Variants in ADGRL3 observed in about 807,000 individuals in gnomAD.
ADGRL3 encodes the protein calcium-independent alpha-latrotoxin receptor 3.
A neutral mutation model predicts 153.5 loss-of-function variants in ADGRL3; 62 were observed. That is an observed-to-expected ratio of 0.40 (90% CI 0.33 to 0.50). The LOEUF (loss-of-function observed/expected upper bound fraction) is 0.50, where lower values mean the gene tolerates loss of function less well. ADGRL3 is among the 20% of genes least tolerant of loss of function. The pLI, the probability that ADGRL3 is intolerant of heterozygous loss-of-function variation, is 0.47. For missense variants in ADGRL3, 1,641 were observed against 1,859.4 expected (o/e 0.88, Z 2.16); for synonymous variants, 710 against 672.5 (o/e 1.06, Z -0.86).
At chr4:61,520,044 TC>T (rs1164249022) in intron 4 of ADGRL3, among the ~76,000 whole-genome samples, 2 of 152,006 alleles carry the variant, frequency 1.3e-5, no homozygotes, top group East Asian at 1.9e-4. Flanking sequence ...CTTTGTTTTT[TC>T]CCCCCTTTGA....
chr4:61,223,107 T>A (rs1746417582), intron 1 of ADGRL3, among the ~76,000 whole-genome samples: 1 of 151,302 alleles, frequency 6.6e-6, no homozygotes, highest in African/African-American at 2.4e-5. Context: ...GACTGTCAGA[T>A]TTTTTTTTGA....
At chr4:61,929,482 G>C (rs753448261) in intron 13 of ADGRL3, among the ~76,000 whole-genome samples, 2 of 152,288 alleles carry the variant, frequency 1.3e-5, no homozygotes, top group Middle Eastern at 3.4e-3. Flanking sequence ...ATCATTTCTA[G>C]TTATTCTTTG....
At chr4:61,834,525 G>T (rs1321393197) in intron 9 of ADGRL3, among the ~76,000 whole-genome samples, 1 of 152,120 alleles carries the variant, frequency 6.6e-6, no homozygotes, top group Non-Finnish European at 1.5e-5. Context: ...GATCCCTGAG[G>T]AATCGAAAGG....
chr4:61,874,276 T>C (rs1213424793), intron 9 of ADGRL3, among the ~76,000 whole-genome samples: 8 of 152,134 alleles, frequency 5.3e-5, no homozygotes, highest in Non-Finnish European at 1.0e-4. Context: ...AGGGCTTCAG[T>C]TTCTTGCTGG....
intron 1 of ADGRL3, among the ~76,000 whole-genome samples, chr4:61,342,140 G>A (rs111722232): frequency 0.012 from 1,774 of 151,934 alleles, 29 homozygotes; most frequent in African/African-American, 0.04. Context: ...ACATTTAGCC[G>A]GCATTTCAAA....
intron 1 of ADGRL3, among the ~76,000 whole-genome samples, chr4:61,345,094 G>A (rs1188348856): frequency 2.6e-5 from 4 of 151,572 alleles, no homozygotes; most frequent in Non-Finnish European, 4.4e-5. Flanking sequence ...CATCACGCCC[G>A]GCCTTACATT....
intron 1 of ADGRL3, among the ~76,000 whole-genome samples, chr4:61,348,179 G>A (rs1371818163): frequency 2.0e-5 from 3 of 151,886 alleles, no homozygotes; most frequent in Non-Finnish European, 2.9e-5. Context: ...AGAGACAGAC[G>A]CTCTTTATTC....
intron 2 of ADGRL3, among the ~76,000 whole-genome samples, chr4:61,404,860 C>A (rs2096974077): frequency 6.6e-6 from 1 of 151,864 alleles, no homozygotes; most frequent in Non-Finnish European, 1.5e-5. Flanking sequence ...GTTTTTAGAA[C>A]CCTGATGTTT....
intron 6 of ADGRL3, among the ~76,000 whole-genome samples, chr4:61,696,047 T>A (rs1027277498): frequency 2.3e-4 from 35 of 152,194 alleles, no homozygotes; most frequent in Non-Finnish European, 1.3e-4. Context: ...GTTCATTTGA[T>A]CTTTTATCCA....
At chr4:61,811,962 A>G (rs894706593) in intron 8 of ADGRL3, among the ~76,000 whole-genome samples, 2 of 152,156 alleles carry the variant, frequency 1.3e-5, no homozygotes, top group East Asian at 1.9e-4. Flanking sequence ...AGTAAATGAT[A>G]TATTTGTATT....
intron 8 of ADGRL3, among the ~76,000 whole-genome samples, chr4:61,784,345 A>G (rs1288692728): frequency 5.9e-5 from 9 of 152,164 alleles, no homozygotes; most frequent in Non-Finnish European, 2.9e-5. Flanking sequence ...TGTATTATAC[A>G]ATTCCGAAAT....
At chr4:62,045,375 A>T (rs1011783526) in intron 25 of ADGRL3, among the ~76,000 whole-genome samples, 5 of 152,002 alleles carry the variant, frequency 3.3e-5, no homozygotes, top group Non-Finnish European at 5.9e-5. Flanking sequence ...AAATATTTAG[A>T]ATATAGTTTT....
chr4:61,470,950 C>T (rs185576010), intron 2 of ADGRL3, among the ~76,000 whole-genome samples: 1 of 151,886 alleles, frequency 6.6e-6, no homozygotes, highest in East Asian at 1.9e-4. Flanking sequence ...TATTTTAGAA[C>T]ACTGGAAACA....
intron 8 of ADGRL3, among the ~76,000 whole-genome samples, chr4:61,739,386 A>G (rs2096557029): frequency 6.6e-6 from 1 of 151,706 alleles, no homozygotes; most frequent in East Asian, 1.9e-4. Flanking sequence ...TCGGCTAACT[A>G]CAACCTCCAT....
intron 4 of ADGRL3, among the ~76,000 whole-genome samples, chr4:61,570,408 G>A (rs1328205913): frequency 6.6e-6 from 1 of 151,786 alleles, no homozygotes; most frequent in Non-Finnish European, 1.5e-5. Flanking sequence ...CATCTATCTG[G>A]GTGATTACAA....
At chr4:61,334,800 G>A (rs1345034364) in intron 1 of ADGRL3, among the ~76,000 whole-genome samples, 1 of 152,044 alleles carries the variant, frequency 6.6e-6, no homozygotes, top group Non-Finnish European at 1.5e-5. Flanking sequence ...AGTTATATAT[G>A]TGAGACAACT....
chr4:61,925,758 C>T (rs2098791741), intron 13 of ADGRL3, among the ~76,000 whole-genome samples: 1 of 152,110 alleles, frequency 6.6e-6, no homozygotes, highest in Non-Finnish European at 1.5e-5. Context: ...ACACCTCCCA[C>T]CAGGCCCCAC....
At chr4:61,426,029 G>A (rs1051315174) in intron 2 of ADGRL3, among the ~76,000 whole-genome samples, 1 of 152,216 alleles carries the variant, frequency 6.6e-6, no homozygotes, top group African/African-American at 2.4e-5. Flanking sequence ...GTGCCCCACT[G>A]GGGCTGGGCC....
intron 5 of ADGRL3, among the ~76,000 whole-genome samples, chr4:61,629,291 T>C (rs1173109638): frequency 3.9e-5 from 6 of 152,148 alleles, no homozygotes; most frequent in South Asian, 2.1e-4. Context: ...TGAGAGTAAT[T>C]ACACCCCTAT....
Sources: gnomAD v4.1 joint callset for allele counts (sites outside exome capture counted in the v4.1 genomes callset) on GRCh38, gnomAD v4.1.1 for gene constraint, MANE v1.5 for transcripts, NCBI Gene and HGNC (gene_info 2026-07-23, HGNC 2026-07-21) for gene names.